COL4A6: variants seen among roughly 807,000 people sequenced by gnomAD.
COL4A6 encodes the protein collagen type IV alpha 6 chain, also known as collagen alpha-6(IV) chain.
Under a neutral mutation model 126.7 loss-of-function variants are expected in COL4A6, and 59 were observed. That is an observed-to-expected ratio of 0.47 (90% CI 0.38 to 0.58). COL4A6 has a LOEUF of 0.58. COL4A6 is among the 20% of genes least tolerant of loss of function. The probability of loss-of-function intolerance (pLI) is 0.00; values close to 1 mark genes in which losing one functional copy is unlikely to be tolerated. For synonymous variants in COL4A6, 547 were observed against 496.6 expected (o/e 1.10, Z -1.35); for missense variants, 1,285 against 1,337.3 (o/e 0.96, Z 0.61).
At chrX:108,408,839 T>C (rs2041267754) in intron 2 of COL4A6, among the ~76,000 whole-genome samples, 1 of 111,169 alleles carries the variant, frequency 9.0e-6, no homozygotes, top group African/African-American at 3.3e-5. Context: ...CACATGCCTA[T>C]AATCCCGGCT....
intron 3 of COL4A6, among the ~76,000 whole-genome samples, chrX:108,266,139 A>G (rs2037296131): frequency 4.5e-5 from 5 of 111,651 alleles, no homozygotes; most frequent in Non-Finnish European, 9.4e-5. Flanking sequence ...GAAAGCTTGA[A>G]GTGAACTTGG....
intron 2 of COL4A6, among the ~76,000 whole-genome samples, chrX:108,378,106 A>G (rs2040484857): frequency 9.0e-6 from 1 of 110,912 alleles, no homozygotes; most frequent in Admixed American, 9.6e-5. Context: ...GTGGCTTTAT[A>G]TTTTAAAAAG....
intron 42 of COL4A6, among the ~76,000 whole-genome samples, chrX:108,161,240 C>G (rs950795265): frequency 1.8e-5 from 2 of 111,475 alleles, no homozygotes; most frequent in Non-Finnish European, 3.8e-5. Context: ...GACAGCCACG[C>G]CTTAACTCAA....
chrX:108,185,391 G>GAAAAA lies in COL4A6; in HGVS notation c.1951+1700_1951+1704dup, dbSNP rs201862310. Among the ~76,000 whole-genome samples the GAAAAA allele has an allele frequency of 3.3e-3, 274 of 83,286 alleles. 6 individuals carry two copies. Among genetic ancestry groups the GAAAAA allele is most frequent in the South Asian group, 4.0e-3 (6 of 1,484 alleles). The allele number at this position is 83,286 out of a possible 115,157, so 72.3% of individuals were successfully genotyped here. A position where few individuals can be genotyped will look rare whatever the true frequency, so the allele number is the denominator to read the frequency against. On this transcript the variant is annotated intron_variant, in intron 23 of 44. Transcript: ENST00000334504. ...TGGGTGAGAGTAAGACTTCATTTCA[G>GAAAAA]AAAAAAAAAAAAAAGGAAAATGTCC...
chrX:108,419,923 C>A (rs907078035), intron 2 of COL4A6, among the ~76,000 whole-genome samples: 4 of 112,267 alleles, frequency 3.6e-5, no homozygotes, highest in Admixed American at 9.5e-5. Context: ...ACAATACAGA[C>A]TGCAATATGC....
intron 2 of COL4A6, among the ~76,000 whole-genome samples, chrX:108,394,752 C>T (rs1396159331): frequency 9.0e-6 from 1 of 111,712 alleles, no homozygotes; most frequent in African/African-American, 3.2e-5. Flanking sequence ...ATGCTACTAG[C>T]AACAATCTTA....
intron 3 of COL4A6, among the ~76,000 whole-genome samples, chrX:108,290,408 T>C (rs1177303787): frequency 8.9e-6 from 1 of 112,163 alleles, no homozygotes; most frequent in Non-Finnish European, 1.9e-5. Flanking sequence ...TAAAATGGGA[T>C]CATTAATAAA....
At chrX:108,170,973 C>T in intron 33 of COL4A6, 56 bp from the exon 34 acceptor site, 7 of 1,021,596 alleles carry the variant, frequency 6.9e-6, no homozygotes, top group Non-Finnish European at 9.6e-6. Context: ...CAGTGTATTC[C>T]TCTATGGGAA....
chrX:108,321,139 G>A (rs1331557671), intron 2 of COL4A6, among the ~76,000 whole-genome samples: 1 of 111,545 alleles, frequency 9.0e-6, no homozygotes, highest in African/African-American at 3.3e-5. Flanking sequence ...TATGTCAGCT[G>A]GTATTATTTA....
intron 2 of COL4A6, among the ~76,000 whole-genome samples, chrX:108,358,550 G>A (rs111599681): frequency 1.2e-3 from 132 of 110,141 alleles, no homozygotes; most frequent in African/African-American, 3.9e-3. Context: ...GTGAGCCACT[G>A]CACCTGGCTA....
chrX:108,188,774 G>C (rs912826748), intron 20 of COL4A6, 97 bp from the exon 21 acceptor site: 1 of 851,685 alleles, frequency 1.2e-6, no homozygotes, highest in Non-Finnish European at 1.6e-6. Context: ...CAACTCCATA[G>C]AGGGAATCTG....
intron 23 of COL4A6, among the ~76,000 whole-genome samples, chrX:108,184,922 C>T (rs1026753895): frequency 8.9e-6 from 1 of 112,110 alleles, no homozygotes; most frequent in Non-Finnish European, 1.9e-5. Context: ...TTATAGGTGT[C>T]ATGTTATTAT....
chrX:108,237,498 C>T (rs754033467), intron 3 of COL4A6, among the ~76,000 whole-genome samples: 1 of 111,530 alleles, frequency 9.0e-6, no homozygotes, highest in East Asian at 2.8e-4. Flanking sequence ...CCCTTCTCTT[C>T]CAGAACTTTC....
At position 108,373,921 on chromosome X, in the gene COL4A6, T is replaced by G. The variant is rs181457247; in HGVS notation, c.64-63093A>C. Among the ~76,000 whole-genome samples, 7 of 112,571 alleles carry G rather than the reference T, an allele frequency of 6.2e-5. No individual in the cohort carries two copies. In the East Asian group the frequency reaches 1.4e-3, roughly 22 times the overall value. On this transcript the variant is annotated intron_variant, in intron 2 of 44. Coordinates refer to ENST00000334504, the MANE Select transcript of COL4A6 (RefSeq NM_033641.4). Reference sequence around the variant, plus strand: ...GATGCTTAGTAAACATTGGTTAAATTAACAAACATTGTCTCCTTGCAAAAA... The same window carrying G: ...GATGCTTAGTAAACATTGGTTAAATGAACAAACATTGTCTCCTTGCAAAAA...
At chrX:108,295,493 G>GA (rs1269262181) in intron 3 of COL4A6, among the ~76,000 whole-genome samples, 3 of 112,729 alleles carry the variant, frequency 2.7e-5, no homozygotes, top group Admixed American at 9.3e-5. Flanking sequence ...TTAAAAAAGT[G>GA]AAAAAATGCT....
chrX:108,287,672 T>G (rs1250988962), intron 3 of COL4A6, among the ~76,000 whole-genome samples: 1 of 111,994 alleles, frequency 8.9e-6, no homozygotes, highest in Non-Finnish European at 1.9e-5. Context: ...TCTAGGTTAG[T>G]TTCCTTACAC....
chrX:108,299,476 A>G (rs1489982987), intron 3 of COL4A6, among the ~76,000 whole-genome samples: 2 of 111,042 alleles, frequency 1.8e-5, no homozygotes, highest in African/African-American at 3.3e-5. Flanking sequence ...GCCCCACAGC[A>G]TGTTCCTCCA....
rs935884096 is a variant in COL4A6, at chrX:108,372,445, C to T, written c.64-61617G>A. Among the ~76,000 whole-genome samples, 3 of 111,971 alleles carry T rather than the reference C, an allele frequency of 2.7e-5. No individual in the cohort carries two copies. The Admixed American group carries it at 2.8e-4, about 11-fold the overall frequency. On this transcript the variant is annotated intron_variant, in intron 2 of 44. Coordinates refer to ENST00000334504, the MANE Select transcript of COL4A6 (RefSeq NM_033641.4). ...AACTCTACATTCACAAGAATAAAAT[C>T]AAAGGCACTTGGAAAATAAGAATGC...
chrX:108,284,308 C>T (rs1209981875), intron 3 of COL4A6, among the ~76,000 whole-genome samples: 30 of 24,895 alleles, frequency 1.2e-3, no homozygotes, highest in African/African-American at 4.3e-3. Flanking sequence ...TGGGGCCTGT[C>T]GGGGGCTGGG....
Sources: allele counts gnomAD v4.1 joint callset (sites outside exome capture counted in the v4.1 genomes callset), GRCh38; gene constraint gnomAD v4.1.1; transcripts MANE v1.5; gene names NCBI Gene and HGNC (gene_info 2026-07-23, HGNC 2026-07-21).